Variants in KIAA1328 observed in about 807,000 individuals in gnomAD.
The protein encoded by KIAA1328 is protein hinderin.
A neutral mutation model predicts 68.1 loss-of-function variants in KIAA1328; 52 were observed. The ratio of observed to expected loss-of-function variants is 0.76; its 90% CI spans 0.61 to 0.96. The LOEUF is 0.96. Among genes scored for constraint, KIAA1328 ranks in the 40% least tolerant of loss-of-function variants. KIAA1328 has a pLI of 0.00. For synonymous variants in KIAA1328, 232 were observed against 239.4 expected (o/e 0.97, Z 0.28); for missense variants, 641 against 677.6 (o/e 0.95, Z 0.60).
intron 4 of KIAA1328, among the ~76,000 whole-genome samples, chr18:36,869,512 A>G (rs2047871822): frequency 6.6e-6 from 1 of 152,116 alleles, no homozygotes. Context: ...ATCTACTCAG[A>G]ATTATGCTTG....
intron 4 of KIAA1328, among the ~76,000 whole-genome samples, chr18:36,859,886 T>G (rs1284071462): frequency 6.6e-6 from 1 of 151,776 alleles, no homozygotes; most frequent in African/African-American, 2.4e-5. Context: ...TATACCTAAC[T>G]TTTTATAATA....
At chr18:37,085,422 T>C (rs2151814506) in intron 7 of KIAA1328, among the ~76,000 whole-genome samples, 1 of 152,294 alleles carries the variant, frequency 6.6e-6, no homozygotes, top group South Asian at 2.1e-4. Flanking sequence ...CTTCTTATTT[T>C]TGTGCTACAG....
intron 7 of KIAA1328, among the ~76,000 whole-genome samples, chr18:37,099,857 G>A (rs1478754763): frequency 1.3e-5 from 2 of 152,096 alleles, no homozygotes; most frequent in African/African-American, 4.8e-5. Context: ...TTTGATATTA[G>A]TTGGTTTAAA....
At chr18:37,097,195 T>C (rs1056802645) in intron 7 of KIAA1328, among the ~76,000 whole-genome samples, 2 of 152,252 alleles carry the variant, frequency 1.3e-5, no homozygotes, top group African/African-American at 4.8e-5. Flanking sequence ...TCTAGGGTTC[T>C]TCTGGTTTTA....
At chr18:37,118,768 C>A (rs170452) in intron 7 of KIAA1328, among the ~76,000 whole-genome samples, 61,504 of 151,932 alleles carry the variant, frequency 0.4, 14,307 homozygotes, top group African/African-American at 0.64. Flanking sequence ...AAATTTTGCT[C>A]GCAGGTCAGC....
intron 9 of KIAA1328, among the ~76,000 whole-genome samples, chr18:37,215,577 G>A (rs1241073772): frequency 3.3e-5 from 5 of 152,130 alleles, no homozygotes; most frequent in African/African-American, 4.8e-5. Flanking sequence ...TTTTTGCATC[G>A]ATGTTCATCA....
intron 6 of KIAA1328, among the ~76,000 whole-genome samples, chr18:37,024,132 A>G (rs2629957): frequency 0.73 from 111,246 of 151,870 alleles, 43,902 homozygotes; most frequent in South Asian, 0.89. Context: ...AGTAGCTGGG[A>G]CAGACACATT....
chr18:36,947,028 T>C (rs1405125456), intron 5 of KIAA1328, among the ~76,000 whole-genome samples: 4 of 152,114 alleles, frequency 2.6e-5, no homozygotes, highest in Non-Finnish European at 5.9e-5. Context: ...AAGAAATGAA[T>C]TGTTAGGCTC....
intron 7 of KIAA1328, among the ~76,000 whole-genome samples, chr18:37,146,809 T>A (rs1262679588): frequency 6.6e-6 from 1 of 152,202 alleles, no homozygotes; most frequent in Admixed American, 6.5e-5. Context: ...TAACCTATAT[T>A]TACTTCCCCA....
chr18:36,932,693 C>T (rs2050355422), intron 5 of KIAA1328, among the ~76,000 whole-genome samples: 1 of 152,166 alleles, frequency 6.6e-6, no homozygotes, highest in Non-Finnish European at 1.5e-5. Flanking sequence ...TATAAGAAGT[C>T]TCCAAAACTC....
chr18:37,021,904 G>T (rs1305258455), intron 6 of KIAA1328, among the ~76,000 whole-genome samples: 3 of 152,030 alleles, frequency 2.0e-5, no homozygotes, highest in African/African-American at 7.2e-5. Flanking sequence ...GCTGGACATG[G>T]TGGCGGGTGA....
At chr18:37,031,140 CAT>C (rs1167543199) in intron 6 of KIAA1328, among the ~76,000 whole-genome samples, 2 of 152,172 alleles carry the variant, frequency 1.3e-5, no homozygotes, top group Non-Finnish European at 2.9e-5. Flanking sequence ...CCGCAATAAA[CAT>C]ATGTGTGCAT....
At chr18:37,102,973 T>G (rs1439446403) in intron 7 of KIAA1328, among the ~76,000 whole-genome samples, 1 of 152,046 alleles carries the variant, frequency 6.6e-6, no homozygotes, top group Non-Finnish European at 1.5e-5. Flanking sequence ...AGATATAAAT[T>G]TAACCAAGGA....
At chr18:36,841,328 A>G (rs558941899) in intron 3 of KIAA1328, among the ~76,000 whole-genome samples, 2 of 151,850 alleles carry the variant, frequency 1.3e-5, no homozygotes, top group African/African-American at 4.8e-5. Flanking sequence ...AGTAAGATTC[A>G]CTGCAATTCA....
At chr18:36,969,289 G>A (rs1019558778) in intron 6 of KIAA1328, among the ~76,000 whole-genome samples, 1 of 152,060 alleles carries the variant, frequency 6.6e-6, no homozygotes, top group Non-Finnish European at 1.5e-5. Context: ...CAAAATCAGA[G>A]CTTAACTGAA....
chr18:37,144,620 C>T (rs946232595), intron 7 of KIAA1328, among the ~76,000 whole-genome samples: 1 of 152,084 alleles, frequency 6.6e-6, no homozygotes, highest in African/African-American at 2.4e-5. Context: ...CTCTACCTCG[C>T]CTGACTCAGG....
At chr18:36,844,153 A>G in intron 3 of KIAA1328, 55 bp from the exon 4 acceptor site, 1 of 1,230,328 alleles carries the variant, frequency 8.1e-7, no homozygotes, top group Non-Finnish European at 1.1e-6. Context: ...GGTTTCTTGA[A>G]AAGACTTTAA....
chr18:36,895,482 G>C (rs1460795245), intron 5 of KIAA1328, among the ~76,000 whole-genome samples: 1 of 152,112 alleles, frequency 6.6e-6, no homozygotes. Context: ...ATATCTTCTA[G>C]CACCTTTTCT....
intron 8 of KIAA1328, among the ~76,000 whole-genome samples, chr18:37,165,030 G>A (rs1433729524): frequency 6.6e-6 from 1 of 152,012 alleles, no homozygotes; most frequent in Non-Finnish European, 1.5e-5. Flanking sequence ...CCTTCTCACT[G>A]CATCCTCACA....
Sources: allele counts gnomAD v4.1 joint callset (sites outside exome capture counted in the v4.1 genomes callset), GRCh38; gene constraint gnomAD v4.1.1; transcripts MANE v1.5; gene names NCBI Gene and HGNC (gene_info 2026-07-23, HGNC 2026-07-21).